The following IL1RAPL2 variants were observed in gnomAD, a reference collection of about 807,000 sequenced individuals.
IL1RAPL2 encodes interleukin 1 receptor accessory protein like 2.
Under a neutral mutation model 44.1 loss-of-function variants are expected in IL1RAPL2, and 3 were observed. The observed-to-expected ratio is 0.07, with a 90% CI of 0.03 to 0.18. The LOEUF is 0.18. Among genes scored for constraint, IL1RAPL2 ranks in the 10% least tolerant of loss-of-function variants. The probability of loss-of-function intolerance (pLI) is 1.00; values close to 1 mark genes in which losing one functional copy is unlikely to be tolerated. For synonymous variants in IL1RAPL2, 181 were observed against 178.8 expected (o/e 1.01, Z -0.10); for missense variants, 391 against 496.4 (o/e 0.79, Z 2.02).
At chrX:105,148,607 T>G (rs942247764) in intron 2 of IL1RAPL2, among the ~76,000 whole-genome samples, 7 of 111,858 alleles carry the variant, frequency 6.3e-5, no homozygotes, top group Admixed American at 1.9e-4. Flanking sequence ...GTTTCTGAGT[T>G]GCCATTTCAC....
At chrX:104,861,952 T>C (rs1922506228) in intron 2 of IL1RAPL2, among the ~76,000 whole-genome samples, 1 of 111,146 alleles carries the variant, frequency 9.0e-6, no homozygotes, top group African/African-American at 3.3e-5. Context: ...AGAAAGGTTT[T>C]AAAAAGAGAA....
chrX:104,712,789 A>G (rs756645835), intron 2 of IL1RAPL2, among the ~76,000 whole-genome samples: 17 of 109,770 alleles, frequency 1.5e-4, no homozygotes, highest in African/African-American at 5.6e-4. Context: ...TAGCCTTTGT[A>G]GCAGCCCCTG....
intron 2 of IL1RAPL2, among the ~76,000 whole-genome samples, chrX:105,144,849 A>G (rs1411497194): frequency 9.0e-6 from 1 of 111,161 alleles, no homozygotes; most frequent in Non-Finnish European, 1.9e-5. Context: ...TTTCTCAGGG[A>G]TTCTTTCACT....
chrX:105,076,272 C>A (rs1042834160), intron 2 of IL1RAPL2, among the ~76,000 whole-genome samples: 1 of 111,356 alleles, frequency 9.0e-6, no homozygotes, highest in African/African-American at 3.3e-5. Flanking sequence ...CAAAGAACAT[C>A]TTTATTTCTG....
At chrX:104,890,618 A>T (rs1001908476) in intron 2 of IL1RAPL2, among the ~76,000 whole-genome samples, 1 of 111,965 alleles carries the variant, frequency 8.9e-6, no homozygotes, top group Non-Finnish European at 1.9e-5. Flanking sequence ...ATCTGTTCAT[A>T]TGCTTTGTCT....
Position 104,711,248 on chromosome X carries a change from C to T in IL1RAPL2, c.82+52253C>T, listed in dbSNP as rs147392176. 8.5e-3 allele frequency among the ~76,000 whole-genome samples: 946 copies of T among 111,548 alleles called. 12 individuals are homozygous for T. The highest frequency in any genetic ancestry group is 0.029 in the African/African-American group (885 of 30,830). On this transcript the variant is annotated intron_variant, in intron 2 of 10. Transcript: ENST00000372582. ...GCTATAATCTAGGTTTGTGTAAGTA[C>T]ACTCTGTGAATACATGACTGTATGC... is the stretch of plus-strand genomic sequence containing the variant.
rs745452594 is a variant in IL1RAPL2, at chrX:105,457,386, C to A, written c.698-26927C>A. 1.4e-4 allele frequency among the ~76,000 whole-genome samples: 15 copies of A among 110,393 alleles called. No homozygotes were observed. In the East Asian group the frequency reaches 4.3e-3, roughly 32 times the overall value. On this transcript the variant is annotated intron_variant, in intron 5 of 10. Coordinates refer to ENST00000372582, the MANE Select transcript of IL1RAPL2 (RefSeq NM_017416.2). The stretch of plus-strand genomic sequence containing the variant: ...CCATCTCCAACATGAACTCTGCACC[C>A]ATTAGATAATAACTTGTAATTTTCC...
intron 4 of IL1RAPL2, among the ~76,000 whole-genome samples, chrX:105,262,862 G>A (rs778828071): frequency 1.2e-4 from 13 of 110,761 alleles, no homozygotes; most frequent in Non-Finnish European, 2.3e-4. Flanking sequence ...TCTTTAAACT[G>A]CAGACAGTTC....
chrX:104,650,384 TC>T (rs943874587), intron 1 of IL1RAPL2, among the ~76,000 whole-genome samples: 1 of 111,421 alleles, frequency 9.0e-6, no homozygotes, highest in African/African-American at 3.3e-5. Context: ...GTGTAAGGTT[TC>T]CAGGAGTAAC....
chrX:105,620,379 G>A (rs1456234714), intron 6 of IL1RAPL2, among the ~76,000 whole-genome samples: 3 of 110,977 alleles, frequency 2.7e-5, no homozygotes, highest in Non-Finnish European at 5.7e-5. Context: ...TTTCCTCCAC[G>A]TTTAACCTCC....
At chrX:105,408,951 A>C (rs1009796560) in intron 5 of IL1RAPL2, among the ~76,000 whole-genome samples, 2 of 110,940 alleles carry the variant, frequency 1.8e-5, no homozygotes, top group African/African-American at 6.5e-5. Flanking sequence ...TTTTGGGAAA[A>C]CTATTTTTTT....
chrX:104,822,426 T>C (rs1021056955), intron 2 of IL1RAPL2, among the ~76,000 whole-genome samples: 1 of 112,058 alleles, frequency 8.9e-6, no homozygotes, highest in Non-Finnish European at 1.9e-5. Context: ...GATTTTTGTA[T>C]AAGGTGTAAG....
intron 2 of IL1RAPL2, among the ~76,000 whole-genome samples, chrX:104,746,275 G>T (rs1029362290): frequency 1.8e-5 from 2 of 111,002 alleles, no homozygotes; most frequent in Non-Finnish European, 3.8e-5. Context: ...CCAAGGTCCT[G>T]GTTTTTCCTC....
At chrX:105,314,684 A>C (rs185676427) in intron 5 of IL1RAPL2, among the ~76,000 whole-genome samples, 69 of 112,149 alleles carry the variant, frequency 6.2e-4, no homozygotes, top group Non-Finnish European at 1.0e-3. Context: ...AGATGGAGCC[A>C]GGATAAGGTC....
chrX:104,944,967 C>T (rs1377547905), intron 2 of IL1RAPL2, among the ~76,000 whole-genome samples: 1 of 111,630 alleles, frequency 9.0e-6, no homozygotes, highest in African/African-American at 3.3e-5. Flanking sequence ...ATAAGACCTA[C>T]TTTAAAAGTT....
At chrX:104,982,399 T>G (rs1188481119) in intron 2 of IL1RAPL2, among the ~76,000 whole-genome samples, 2 of 111,095 alleles carry the variant, frequency 1.8e-5, no homozygotes, top group Non-Finnish European at 3.8e-5. Context: ...GCTACAGTGA[T>G]TTATGAGCAT....
intron 5 of IL1RAPL2, among the ~76,000 whole-genome samples, chrX:105,289,763 A>C (rs1199059857): frequency 9.0e-6 from 1 of 111,400 alleles, no homozygotes; most frequent in Non-Finnish European, 1.9e-5. Flanking sequence ...ATGTGAGTTC[A>C]AGGGAGAAGT....
At chrX:105,516,241 C>A (rs745697878) in intron 6 of IL1RAPL2, among the ~76,000 whole-genome samples, 6 of 112,501 alleles carry the variant, frequency 5.3e-5, no homozygotes, top group African/African-American at 1.9e-4. Context: ...TAAACCTGCA[C>A]AGCAGTAATT....
chrX:104,592,145 A>ATG (rs35940205), intron 1 of IL1RAPL2, among the ~76,000 whole-genome samples: 5,243 of 60,061 alleles, frequency 0.087, 269 homozygotes, highest in Middle Eastern at 0.15. Flanking sequence ...ATGCCCGTAT[A>ATG]TGTGTGTGTG....
Sources: allele counts gnomAD v4.1 joint callset (sites outside exome capture counted in the v4.1 genomes callset), GRCh38; gene constraint gnomAD v4.1.1; transcripts MANE v1.5; gene names NCBI Gene and HGNC (gene_info 2026-07-23, HGNC 2026-07-21).